The following MALRD1 variants were observed in gnomAD, a reference collection of about 807,000 sequenced individuals.
The protein encoded by MALRD1 is MAM and LDL-receptor class A domain-containing protein 1.
In MALRD1, 247 loss-of-function variants were observed where a neutral mutation model predicts 242.1. The ratio of observed to expected loss-of-function variants is 1.02; its 90% confidence interval spans 0.92 to 1.13. MALRD1 has a LOEUF of 1.13. Among genes scored for constraint, MALRD1 ranks in the 50% most tolerant of loss-of-function variants. MALRD1 has a pLI of 0.00. For synonymous variants in MALRD1, 995 were observed against 866.6 expected (o/e 1.15, Z -2.60); for missense variants, 2,989 against 2,533.1 (o/e 1.18, Z -3.86).
intron 26 of MALRD1, among the ~76,000 whole-genome samples, chr10:19,363,739 G>C (rs1332568387): frequency 6.6e-6 from 1 of 152,148 alleles, no homozygotes; most frequent in Non-Finnish European, 1.5e-5. Context: ...GATGAGACTA[G>C]GAGTTACAGA....
intron 20 of MALRD1, among the ~76,000 whole-genome samples, chr10:19,280,812 T>C (rs1238917577): frequency 6.6e-6 from 1 of 152,190 alleles, no homozygotes; most frequent in Non-Finnish European, 1.5e-5. Flanking sequence ...CAGCCAAAGA[T>C]ACAGTCTAAG....
chr10:19,292,797 G>T lies in MALRD1; in HGVS notation c.3419+9616G>T, dbSNP rs540660043. ...AGTCCCAGCTACTCGGGAGGCTGAGGCAGGAGAATGGTGTGAACCTGGGAG... is the reference window on the plus strand; with the variant it reads ...AGTCCCAGCTACTCGGGAGGCTGAGTCAGGAGAATGGTGTGAACCTGGGAG... On this transcript the variant is annotated intron_variant, in intron 21 of 39. Transcript: ENST00000454679. Among the ~76,000 whole-genome samples, 8 of 151,310 alleles carry T rather than the reference G, an allele frequency of 5.3e-5. No homozygotes were observed. The East Asian group carries it at 7.8e-4, about 15-fold the overall frequency.
At chr10:19,601,650 G>T (rs1413823507) in intron 34 of MALRD1, among the ~76,000 whole-genome samples, 1 of 151,806 alleles carries the variant, frequency 6.6e-6, no homozygotes, top group South Asian at 2.1e-4. Context: ...TTTTTAATGT[G>T]TTTTAACTGT....
At chr10:19,732,314 G>A (rs1324174407) in intron 39 of MALRD1, among the ~76,000 whole-genome samples, 1 of 152,166 alleles carries the variant, frequency 6.6e-6, no homozygotes, top group African/African-American at 2.4e-5. Flanking sequence ...CCAGGCTGGA[G>A]TGCAATGGTG....
intron 38 of MALRD1, among the ~76,000 whole-genome samples, chr10:19,723,855 A>G (rs190171928): frequency 3.3e-5 from 5 of 152,154 alleles, no homozygotes; most frequent in African/African-American, 9.6e-5. Flanking sequence ...GTGAGATAGT[A>G]GTAGAAACTA....
At chr10:19,624,878 GA>G (rs145042762) in intron 36 of MALRD1, among the ~76,000 whole-genome samples, 39,216 of 119,816 alleles carry the variant, frequency 0.33, 5,827 homozygotes, top group South Asian at 0.44. Flanking sequence ...CTCAAAAAAG[GA>G]AAAAAAAAAA....
At chr10:19,482,347 A>C (rs1481977449) in intron 29 of MALRD1, among the ~76,000 whole-genome samples, 1 of 152,072 alleles carries the variant, frequency 6.6e-6, no homozygotes. Flanking sequence ...ATGACAAGGA[A>C]AATTCATGTA....
chr10:19,172,039 GATATATATCATATATCACA>G (rs1835022831), intron 13 of MALRD1, among the ~76,000 whole-genome samples: 1 of 6,748 alleles, frequency 1.5e-4, no homozygotes, highest in African/African-American at 1.3e-3. Context: ...ACATATATGT[GATATATATCATATATCACA>G]TATATGTGAT....
At chr10:19,067,997 A>G (rs1007679894) in intron 2 of MALRD1, among the ~76,000 whole-genome samples, 9 of 152,152 alleles carry the variant, frequency 5.9e-5, no homozygotes, top group African/African-American at 1.9e-4. Flanking sequence ...CACAAATATA[A>G]CAAGCACTAA....
intron 36 of MALRD1, among the ~76,000 whole-genome samples, chr10:19,663,477 C>T (rs936172797): frequency 4.7e-4 from 71 of 152,134 alleles, no homozygotes; most frequent in African/African-American, 1.7e-3. Context: ...AATAGTGCTG[C>T]AGTGAACATA....
chr10:19,571,313 G>C (rs1211989075), intron 33 of MALRD1, among the ~76,000 whole-genome samples: 1 of 151,854 alleles, frequency 6.6e-6, no homozygotes, highest in African/African-American at 2.4e-5. Context: ...TTTTCTTCCA[G>C]TTGCCTTAAC....
At chr10:19,347,173 G>A (rs535214636) in intron 24 of MALRD1, among the ~76,000 whole-genome samples, 1 of 152,188 alleles carries the variant, frequency 6.6e-6, no homozygotes, top group East Asian at 1.9e-4. Context: ...AACAACTTAA[G>A]CAATGACAGT....
intron 33 of MALRD1, among the ~76,000 whole-genome samples, chr10:19,580,179 A>ACC (rs1349535555): frequency 1.3e-5 from 2 of 152,064 alleles, no homozygotes; most frequent in South Asian, 2.1e-4. Context: ...TATCACTTTT[A>ACC]CCTATGTTTT....
rs1228143825 is a variant in MALRD1, at chr10:19,507,980, T to G, written c.5320+9334T>G. Among the ~76,000 whole-genome samples, 3 of 152,204 alleles carry G rather than the reference T, an allele frequency of 2.0e-5. No homozygotes were observed. In the South Asian group the frequency reaches 6.2e-4, roughly 32 times the overall value. The stretch of plus-strand genomic sequence containing the variant: ...ATCTGTTGAATAAATCAGAGAAGGA[T>G]CTCTGCCATCATGTGGCTGACATTG... On this transcript the variant is annotated intron_variant, in intron 31 of 39. Transcript: ENST00000454679.
chr10:19,283,761 T>C (rs1704531956), intron 21 of MALRD1, among the ~76,000 whole-genome samples: 1 of 152,238 alleles, frequency 6.6e-6, no homozygotes, highest in African/African-American at 2.4e-5. Context: ...AACAATTTAC[T>C]AATCTGTTCT....
intron 28 of MALRD1, among the ~76,000 whole-genome samples, chr10:19,399,962 C>T (rs1589023424): frequency 6.6e-6 from 1 of 152,160 alleles, no homozygotes; most frequent in East Asian, 1.9e-4. Context: ...CTATGCCCAA[C>T]TTAGACTATT....
At chr10:19,701,702 T>G (rs1833638102) in intron 38 of MALRD1, among the ~76,000 whole-genome samples, 1 of 114,586 alleles carries the variant, frequency 8.7e-6, no homozygotes. Flanking sequence ...CCCTTCCTCT[T>G]CCCCTCCCCT....
intron 28 of MALRD1, among the ~76,000 whole-genome samples, chr10:19,411,044 A>G (rs1409575590): frequency 6.6e-6 from 1 of 152,138 alleles, no homozygotes; most frequent in Admixed American, 6.5e-5. Context: ...GATTATTATA[A>G]TATGAAATCT....
chr10:19,049,037 A>G lies in MALRD1; in HGVS notation c.99A>G (p.Gln33=), dbSNP rs1051506404. ...TTTTCAATTCTACACTGGCTCAGCA[A>G]GGGACAGAAAGCTTTCAGTGTGACA... ...ACVFNSTLAQ[Q]GTESFQCDNG... is the part of the protein sequence containing the mutation. The change falls in exon 1 of 40, where the codon CAA becomes CAG. Residue 33 remains glutamine, a synonymous_variant. Coordinates refer to ENST00000454679, the MANE Select transcript of MALRD1 (RefSeq NM_001142308.3). The G allele has an allele frequency of 1.9e-5, 24 of 1,233,814 alleles. No individual in the cohort carries two copies. The African/African-American group carries it at 3.7e-4, about 19-fold the overall frequency. 76.4% of individuals were successfully genotyped at this position (1,233,814 alleles called of 1,614,324 possible). A position where few individuals can be genotyped will look rare whatever the true frequency, so the allele number is the denominator to read the frequency against.
Sources: allele counts gnomAD v4.1 joint callset (sites outside exome capture counted in the v4.1 genomes callset), GRCh38; gene constraint gnomAD v4.1.1; transcripts MANE v1.5; gene names NCBI Gene and HGNC (gene_info 2026-07-23, HGNC 2026-07-21).